PRELID2: variants seen among roughly 807,000 people sequenced by gnomAD.
PRELID2 encodes the protein PRELI domain-containing protein 2.
In PRELID2, 25 loss-of-function variants were observed where a neutral mutation model predicts 28.4. The observed-to-expected ratio is 0.88, with a 90% CI of 0.64 to 1.23. The LOEUF is 1.23. Ranked by LOEUF, PRELID2 falls within the 50% of genes most tolerant of loss-of-function variation. PRELID2 has a pLI of 0.00. For synonymous variants in PRELID2, 76 were observed against 71.6 expected (o/e 1.06, Z -0.31); for missense variants, 201 against 214.4 (o/e 0.94, Z 0.39).
In PRELID2 at chr5:145,610,903, C is replaced by A. The variant is rs560086503; in HGVS notation, n.71-137588G>T. On this transcript the variant is annotated intron_variant and non_coding_transcript_variant, in intron 1 of 2. Transcript: ENST00000510259. Reference sequence around the variant, plus strand: ...TCAGGAAGAGATAAGAAACCACTCTCATATAATGTATTTAGCAGTGAACAA... The same window carrying A: ...TCAGGAAGAGATAAGAAACCACTCTAATATAATGTATTTAGCAGTGAACAA... Among the ~76,000 whole-genome samples the A allele has an allele frequency of 9.3e-4, 141 of 151,214 alleles. 1 individual carries two copies. The highest frequency in any genetic ancestry group is 1.1e-3 in the Non-Finnish European group (78 of 67,844).
chr5:145,289,038 T>C, the PRELID2 span, among the ~76,000 whole-genome samples: 1 of 152,148 alleles, frequency 6.6e-6, no homozygotes, highest in Non-Finnish European at 1.5e-5. Context: ...GTTGGCACTG[T>C]TTCCCATTAC....
intron 1 of PRELID2, among the ~76,000 whole-genome samples, chr5:145,637,495 T>C (rs1477523983): frequency 6.6e-6 from 1 of 151,938 alleles, no homozygotes. Context: ...TTGCCCAGAA[T>C]TGGGACTTCT....
chr5:145,520,462 C>A (rs1008122952), intron 1 of PRELID2, among the ~76,000 whole-genome samples: 4 of 152,194 alleles, frequency 2.6e-5, no homozygotes, highest in Non-Finnish European at 4.4e-5. Flanking sequence ...ACAGCACACA[C>A]AAGCCTTCTT....
intron 4 of PRELID2, among the ~76,000 whole-genome samples, chr5:145,803,887 C>T (rs1753317480): frequency 6.6e-6 from 1 of 152,088 alleles, no homozygotes; most frequent in African/African-American, 2.4e-5. Context: ...TGAACCCCTT[C>T]CCCACCCCAG....
chr5:145,661,169 A>T (rs1235764484), intron 1 of PRELID2, among the ~76,000 whole-genome samples: 1 of 152,194 alleles, frequency 6.6e-6, no homozygotes. Flanking sequence ...TGGAAATAGA[A>T]AAAGGTACAA....
At chr5:145,392,689 G>C in the PRELID2 span, among the ~76,000 whole-genome samples, 2 of 151,876 alleles carry the variant, frequency 1.3e-5, no homozygotes, top group South Asian at 4.2e-4. Context: ...AAGAGAGAGG[G>C]AGGAGAGAGA....
At chr5:145,493,721 T>C (rs1191751992) in intron 1 of PRELID2, among the ~76,000 whole-genome samples, 1 of 152,140 alleles carries the variant, frequency 6.6e-6, no homozygotes, top group Non-Finnish European at 1.5e-5. Flanking sequence ...ACTTCCTCTC[T>C]TTTCCTTTTC....
the PRELID2 span, among the ~76,000 whole-genome samples, chr5:145,247,437 A>T: frequency 9.9e-5 from 15 of 152,154 alleles, no homozygotes; most frequent in Non-Finnish European, 1.9e-4. Context: ...TGGTTACAAG[A>T]CAAGTGGCTG....
At position 145,554,751 on chromosome 5, in the gene PRELID2, A is replaced by C. The variant is rs564663732; in HGVS notation, n.71-81436T>G. 7.2e-5 allele frequency among the ~76,000 whole-genome samples: 11 copies of C among 152,364 alleles called. 1 individual carries two copies. The South Asian group carries it at 2.3e-3, about 32-fold the overall frequency. Reference sequence around the variant, plus strand: ...AGACAGCATTTTGTTTGACTTTTCAAGAACTTTTCCTCTATTCCCCTTGTA... The same window carrying C: ...AGACAGCATTTTGTTTGACTTTTCACGAACTTTTCCTCTATTCCCCTTGTA... On this transcript the variant is annotated intron_variant and non_coding_transcript_variant, in intron 1 of 2. Transcript: ENST00000510259.
the PRELID2 span, among the ~76,000 whole-genome samples, chr5:145,250,731 A>T: frequency 6.6e-6 from 1 of 152,256 alleles, no homozygotes; most frequent in Non-Finnish European, 1.5e-5. Context: ...TCCATGAAAC[A>T]CTGTTAAGTT....
chr5:145,687,256 G>GA (rs1319779295), intron 1 of PRELID2, among the ~76,000 whole-genome samples: 1 of 152,174 alleles, frequency 6.6e-6, no homozygotes, highest in East Asian at 1.9e-4. Flanking sequence ...GCTTTTAAGA[G>GA]AAAAATGCAC....
the PRELID2 span, among the ~76,000 whole-genome samples, chr5:145,407,611 C>T: frequency 9.4e-4 from 143 of 152,284 alleles, 2 homozygotes; most frequent in African/African-American, 3.0e-3. Flanking sequence ...CTTTTCTTGA[C>T]GAATATAGGG....
chr5:145,419,266 A>G, the PRELID2 span, among the ~76,000 whole-genome samples: 1 of 140,406 alleles, frequency 7.1e-6, no homozygotes, highest in Non-Finnish European at 1.6e-5. Flanking sequence ...GGCTGGGTCA[A>G]ATGGTATTTC....
chr5:145,447,622 TC>T, the PRELID2 span, among the ~76,000 whole-genome samples: 1 of 76,996 alleles, frequency 1.3e-5, no homozygotes, highest in Non-Finnish European at 2.5e-5. Flanking sequence ...CCCTCCCCCC[TC>T]CCCCCACCCC....
At chr5:145,735,332 C>G (rs1374356876) in intron 1 of PRELID2, among the ~76,000 whole-genome samples, 1 of 150,884 alleles carries the variant, frequency 6.6e-6, no homozygotes, top group Non-Finnish European at 1.5e-5. Context: ...AATAGAATAA[C>G]CATACTGGAT....
chr5:145,388,044 CCAAA>C, the PRELID2 span, among the ~76,000 whole-genome samples: 1 of 151,300 alleles, frequency 6.6e-6, no homozygotes, highest in South Asian at 2.1e-4. Flanking sequence ...AAACAGAATT[CCAAA>C]CAGTTAGTAA....
chr5:145,831,179 A>G (rs936330181), intron 1 of PRELID2, among the ~76,000 whole-genome samples: 1 of 152,258 alleles, frequency 6.6e-6, no homozygotes, highest in African/African-American at 2.4e-5. Flanking sequence ...CATCCTCACA[A>G]CAACCCTGGA....
intron 1 of PRELID2, among the ~76,000 whole-genome samples, chr5:145,638,864 A>G (rs1754047474): frequency 6.6e-6 from 1 of 152,224 alleles, no homozygotes; most frequent in African/African-American, 2.4e-5. Flanking sequence ...CTTGTTCTGT[A>G]ATGAAAATTG....
intron 1 of PRELID2, among the ~76,000 whole-genome samples, chr5:145,748,395 T>C (rs1429145778): frequency 6.6e-6 from 1 of 151,974 alleles, no homozygotes; most frequent in African/African-American, 2.4e-5. Context: ...GAGAATAAAA[T>C]ACCTAGGAAT....
Sources: gnomAD v4.1 joint callset for allele counts (sites outside exome capture counted in the v4.1 genomes callset) on GRCh38, gnomAD v4.1.1 for gene constraint, MANE v1.5 for transcripts, NCBI Gene and HGNC (gene_info 2026-07-23, HGNC 2026-07-21) for gene names.